The following CPQ variants were observed in gnomAD, a reference collection of about 807,000 sequenced individuals.
CPQ encodes the protein Ser-Met dipeptidase.
Under a neutral mutation model 45.7 loss-of-function variants are expected in CPQ, and 37 were observed. The observed-to-expected ratio is 0.81, with a 90% CI of 0.62 to 1.07. The LOEUF (loss-of-function observed/expected upper bound fraction) is 1.07, where lower values mean the gene tolerates loss of function less well. CPQ is among the 50% of genes least tolerant of loss of function. The pLI is 0.00. For missense variants in CPQ, 537 were observed against 572.9 expected, an observed-to-expected ratio of 0.94 and a Z score of 0.64; for synonymous variants, 186 against 205.8, an observed-to-expected ratio of 0.90 and a Z score of 0.82.
At chr8:97,119,010 T>C (rs1198543447) in intron 7 of CPQ, among the ~76,000 whole-genome samples, 1 of 152,070 alleles carries the variant, frequency 6.6e-6, no homozygotes, top group Non-Finnish European at 1.5e-5. Flanking sequence ...CTAAAATATT[T>C]AGTCTCTGAC....
chr8:96,721,811 A>G (rs1229151635), intron 1 of CPQ, among the ~76,000 whole-genome samples: 7 of 152,100 alleles, frequency 4.6e-5, no homozygotes. Flanking sequence ...ACCTTTGTGC[A>G]TGTCATACTA....
chr8:97,005,876 T>G (rs989561880), intron 5 of CPQ, among the ~76,000 whole-genome samples: 1 of 152,200 alleles, frequency 6.6e-6, no homozygotes, highest in African/African-American at 2.4e-5. Flanking sequence ...GAAATTTTTT[T>G]ATCATATATG....
At chr8:96,938,399 A>G (rs373925483) in intron 4 of CPQ, among the ~76,000 whole-genome samples, 54 of 152,322 alleles carry the variant, frequency 3.5e-4, no homozygotes, top group Middle Eastern at 3.4e-3. Flanking sequence ...CCTGGTCTCT[A>G]AACAACAACA....
intron 3 of CPQ, among the ~76,000 whole-genome samples, chr8:96,836,228 C>T (rs1338604592): frequency 2.0e-5 from 3 of 152,114 alleles, no homozygotes; most frequent in Admixed American, 6.6e-5. Flanking sequence ...GGAGACACAG[C>T]TGCTTGACCT....
intron 3 of CPQ, among the ~76,000 whole-genome samples, chr8:96,844,769 C>T (rs535002494): frequency 3.2e-4 from 49 of 152,324 alleles, no homozygotes; most frequent in African/African-American, 1.2e-3. Context: ...TAGAGCCCTC[C>T]TCAGTGTTCA....
At chr8:96,665,187 G>A (rs978914362) in intron 1 of CPQ, among the ~76,000 whole-genome samples, 6 of 152,148 alleles carry the variant, frequency 3.9e-5, no homozygotes, top group Admixed American at 3.9e-4. Context: ...GTAAAGAATG[G>A]CAGAAAGGGA....
At chr8:97,086,039 T>C (rs1488144979) in intron 7 of CPQ, among the ~76,000 whole-genome samples, 2 of 152,160 alleles carry the variant, frequency 1.3e-5, no homozygotes, top group Non-Finnish European at 2.9e-5. Context: ...AAAAACAAAA[T>C]GCCTGAGCAT....
chr8:96,674,659 CA>C (rs1182394205), intron 1 of CPQ, among the ~76,000 whole-genome samples: 11 of 152,060 alleles, frequency 7.2e-5, no homozygotes, highest in African/African-American at 2.7e-4. Flanking sequence ...AAAATGTGAA[CA>C]AAATGTTTCT....
chr8:96,669,411 G>C (rs1808972860), intron 1 of CPQ, among the ~76,000 whole-genome samples: 1 of 152,166 alleles, frequency 6.6e-6, no homozygotes, highest in African/African-American at 2.4e-5. Flanking sequence ...ACCTGGACTT[G>C]TACCTCTATC....
chr8:96,794,610 C>T (rs1213297213), intron 2 of CPQ, among the ~76,000 whole-genome samples: 1 of 152,176 alleles, frequency 6.6e-6, no homozygotes, highest in Non-Finnish European at 1.5e-5. Flanking sequence ...TTGGATTTCT[C>T]CTCAGAAAAT....
intron 4 of CPQ, among the ~76,000 whole-genome samples, chr8:96,918,046 C>T (rs1196979494): frequency 3.9e-5 from 6 of 152,134 alleles, no homozygotes; most frequent in Non-Finnish European, 5.9e-5. Flanking sequence ...TTGTTTCATA[C>T]TGTTCTCTTT....
chr8:96,812,287 C>CAAAA (rs1586410342), intron 2 of CPQ, among the ~76,000 whole-genome samples: 1 of 152,070 alleles, frequency 6.6e-6, no homozygotes, highest in East Asian at 1.9e-4. Flanking sequence ...GGTTATATGC[C>CAAAA]ATACCAAAAA....
At chr8:96,747,257 C>CTCCA (rs1228457226) in intron 1 of CPQ, among the ~76,000 whole-genome samples, 1 of 149,800 alleles carries the variant, frequency 6.7e-6, no homozygotes, top group East Asian at 2.0e-4. Context: ...TCTCACTGCA[C>CTCCA]TCCAGCCTGG....
chr8:96,726,504 G>A (rs1809841129), intron 1 of CPQ, among the ~76,000 whole-genome samples: 1 of 152,088 alleles, frequency 6.6e-6, no homozygotes, highest in Non-Finnish European at 1.5e-5. Context: ...AATCATAGTG[G>A]AAGGCAAACA....
intron 7 of CPQ, among the ~76,000 whole-genome samples, chr8:97,072,931 A>G (rs1336035273): frequency 6.6e-6 from 1 of 152,196 alleles, no homozygotes; most frequent in Non-Finnish European, 1.5e-5. Context: ...CAAAATGTCC[A>G]TGACTCAAAT....
chr8:96,906,093 C>T (rs571166226), intron 4 of CPQ, among the ~76,000 whole-genome samples: 9 of 152,180 alleles, frequency 5.9e-5, no homozygotes, highest in African/African-American at 1.2e-4. Flanking sequence ...TCTGAGTCAC[C>T]GGGTATGGAG....
intron 1 of CPQ, among the ~76,000 whole-genome samples, chr8:96,656,749 T>A (rs1815642954): frequency 6.6e-6 from 1 of 152,220 alleles, no homozygotes; most frequent in Non-Finnish European, 1.5e-5. Flanking sequence ...CTCATCATGT[T>A]TCTGTGAACA....
chr8:96,995,072 G>A (rs1259823670), intron 5 of CPQ, among the ~76,000 whole-genome samples: 1 of 151,952 alleles, frequency 6.6e-6, no homozygotes, highest in African/African-American at 2.4e-5. Flanking sequence ...CTAGCATACT[G>A]GTTAAGACCC....
chr8:96,752,908 G>A (rs1387738253), intron 1 of CPQ, among the ~76,000 whole-genome samples: 1 of 152,016 alleles, frequency 6.6e-6, no homozygotes, highest in Non-Finnish European at 1.5e-5. Context: ...TAAGGGTTTT[G>A]AGAGTCAGGT....
Sources: gnomAD v4.1 joint callset for allele counts (sites outside exome capture counted in the v4.1 genomes callset) on GRCh38, gnomAD v4.1.1 for gene constraint, MANE v1.5 for transcripts, NCBI Gene and HGNC (gene_info 2026-07-23, HGNC 2026-07-21) for gene names.